Variants in IARS1 observed in about 807,000 individuals in gnomAD.
IARS1 encodes isoleucine--tRNA ligase, cytoplasmic.
In IARS1, 124 loss-of-function variants were observed where a neutral mutation model predicts 168.2. The observed-to-expected ratio is 0.74, with a 90% CI of 0.64 to 0.86. IARS1 has a LOEUF of 0.86. Among genes scored for constraint, IARS1 ranks in the 40% least tolerant of loss-of-function variants. The probability of loss-of-function intolerance (pLI) is 0.00; values close to 1 mark genes in which losing one functional copy is unlikely to be tolerated. For synonymous variants in IARS1, 532 were observed against 529.4 expected, an observed-to-expected ratio of 1.00 and a Z score of -0.07; for missense variants, 1,452 against 1,515.8, an observed-to-expected ratio of 0.96 and a Z score of 0.70.
chr9:92,275,810 A>G (rs1276204118), intron 9 of IARS1, among the ~76,000 whole-genome samples: 1 of 152,244 alleles, frequency 6.6e-6, no homozygotes, highest in Non-Finnish European at 1.5e-5. Context: ...ATTTCAGTGA[A>G]CATCAGATGA....
At chr9:92,227,232 G>C (rs1170706148) in intron 31 of IARS1, among the ~76,000 whole-genome samples, 2 of 147,422 alleles carry the variant, frequency 1.4e-5, no homozygotes, top group Non-Finnish European at 3.0e-5. Context: ...GCAACCATCC[G>C]ATTTCTCAAT....
At position 92,283,661 on chromosome 9, in the gene IARS1, A is replaced by G. The variant is rs992819555; in HGVS notation, c.597+2061T>C. Among the ~76,000 whole-genome samples, 7 of 152,162 alleles carry G rather than the reference A, an allele frequency of 4.6e-5. No individual in the cohort carries two copies. The East Asian group carries it at 7.7e-4, about 17-fold the overall frequency. On this transcript the variant is annotated intron_variant, in intron 6 of 33. Transcript: ENST00000443024. ...GTCTCAAAAAAATAAAAATTAAAACAAAGTATACTCTGACTCGATAATTCC... is the reference window on the plus strand; with the variant it reads ...GTCTCAAAAAAATAAAAATTAAAACGAAGTATACTCTGACTCGATAATTCC...
chr9:92,233,133 G>A (rs1050756764), intron 30 of IARS1, among the ~76,000 whole-genome samples: 2 of 152,178 alleles, frequency 1.3e-5, no homozygotes, highest in African/African-American at 4.8e-5. Context: ...CATGGGAAGC[G>A]CTGTCAAATA....
At chr9:92,252,358 G>T in intron 21 of IARS1, 1 of 513,920 alleles carries the variant, frequency 1.9e-6, no homozygotes. Flanking sequence ...AATTTATCCA[G>T]AGACAACTAC....
chr9:92,224,226 C>T (rs1427279289), intron 31 of IARS1, among the ~76,000 whole-genome samples: 10 of 152,166 alleles, frequency 6.6e-5, no homozygotes, highest in Admixed American at 3.3e-4. Flanking sequence ...CTTTACTGCA[C>T]AATACGCTGT....
chr9:92,288,051 T>TG lies in IARS1; in HGVS notation c.276+74dup, dbSNP rs1325140771. ...TCTGACAGTCAACGTTCATCATACTTGAACATATTATATGACAAAATCTAA... is the reference window on the plus strand; with the variant it reads ...TCTGACAGTCAACGTTCATCATACTTGGAACATATTATATGACAAAATCTAA... On this transcript the variant is annotated intron_variant, in intron 3 of 33. Coordinates refer to ENST00000443024, the MANE Select transcript of IARS1 (RefSeq NM_002161.6). 31 of 1,534,884 alleles carry TG rather than the reference T, an allele frequency of 2.0e-5. No homozygotes were observed. The Admixed American group carries it at 2.5e-4, about 12-fold the overall frequency.
intron 20 of IARS1, chr9:92,256,341 C>CTT (rs770667744): frequency 2.8e-5 from 4 of 144,488 alleles, no homozygotes; most frequent in Admixed American, 6.9e-5. Context: ...GGCCAGCTAA[C>CTT]TTTTTTTTTT....
At chr9:92,271,336 C>T (rs10992292) in intron 11 of IARS1, among the ~76,000 whole-genome samples, 197 bp downstream of exon 11, 65 of 152,258 alleles carry the variant, frequency 4.3e-4, no homozygotes, top group Non-Finnish European at 7.9e-4. Context: ...TGATCTTTCC[C>T]CATGAAATTT....
chr9:92,259,433 G>A (rs911701122), intron 18 of IARS1, among the ~76,000 whole-genome samples: 2 of 152,156 alleles, frequency 1.3e-5, no homozygotes, highest in African/African-American at 4.8e-5. Context: ...GGTGGGCAGA[G>A]GTTAGGGATG....
At chr9:92,266,259 C>G (rs894787439) in intron 14 of IARS1, among the ~76,000 whole-genome samples, 1 of 152,178 alleles carries the variant, frequency 6.6e-6, no homozygotes, top group Non-Finnish European at 1.5e-5. Context: ...CCTCCTGGCA[C>G]CTGAATCTGG....
rs893470440 is a variant in IARS1, at chr9:92,281,018, G to C, written c.598-125C>G. ...GGTAAACCGAAGAAACCACTTACCA[G>C]ACTTACAAACAGAAAATAGCAAGAA... On this transcript the variant is annotated intron_variant, in intron 6 of 33. Coordinates refer to ENST00000443024, the MANE Select transcript of IARS1 (RefSeq NM_002161.6). The C allele has an allele frequency of 9.5e-6, 5 of 528,444 alleles. No homozygotes were observed. The African/African-American group carries it at 9.8e-5, about 10-fold the overall frequency. The allele number at this position is 528,444 out of a possible 1,614,324, so 32.7% of individuals were successfully genotyped here.
rs536331294 is a variant in IARS1 at position 92,288,107 on chromosome 9, G to T, written c.276+19C>A. 1 of 1,604,250 alleles carries T rather than the reference G, an allele frequency of 6.2e-7. No homozygotes were observed. Among genetic ancestry groups the T allele is most frequent in the African/African-American group, 1.3e-5 (1 of 74,322 alleles). On this transcript the variant is annotated intron_variant, in intron 3 of 33. Transcript: ENST00000443024. ...ATAAAAAAAATCAGAAAATTATAAAGCTGGATACTCAAACATACCACAGGT... is the reference window on the plus strand; with the variant it reads ...ATAAAAAAAATCAGAAAATTATAAATCTGGATACTCAAACATACCACAGGT...
intron 30 of IARS1, among the ~76,000 whole-genome samples, chr9:92,239,617 G>T (rs1280293067): frequency 6.6e-6 from 1 of 152,190 alleles, no homozygotes; most frequent in East Asian, 1.9e-4. Context: ...CCATGCATTT[G>T]TAAATGGGAG....
Position 92,251,867 on chromosome 9 carries a change from C to T in IARS1, c.2248G>A (p.Asp750Asn). ...RRLKGENGME[D>N]CVMALETLFS... ...AAGGTTTCTAGGGCCATGACACAATCCTCCATCCCATTTTCACCCTAATGA... is the reference window on the plus strand; with the variant it reads ...AAGGTTTCTAGGGCCATGACACAATTCTCCATCCCATTTTCACCCTAATGA... Residue 750 changes from aspartate (D) to asparagine (N), a missense_variant, in exon 22 of 34, where the codon GAT becomes AAT. Transcript: ENST00000443024. The T allele has an allele frequency of 1.9e-6, 3 of 1,612,982 alleles. No individual in the cohort carries two copies. The highest frequency in any genetic ancestry group is 2.5e-6 in the Non-Finnish European group (3 of 1,179,002).
intron 31 of IARS1, among the ~76,000 whole-genome samples, chr9:92,228,760 C>T (rs1826153076): frequency 1.3e-5 from 2 of 152,078 alleles, no homozygotes; most frequent in African/African-American, 4.8e-5. Context: ...GCCTGAAGTC[C>T]ACCAGCTAGC....
intron 25 of IARS1, 49 bp from the exon 26 acceptor site, chr9:92,247,600 G>C: frequency 6.5e-7 from 1 of 1,544,918 alleles, no homozygotes; most frequent in Non-Finnish European, 8.9e-7. Flanking sequence ...GAAAACATAT[G>C]TTCACACAAA....
Position 92,265,328 on chromosome 9 carries a change from A to G in IARS1, c.1505+152T>C, listed in dbSNP as rs184483931. On this transcript the variant is annotated intron_variant, in intron 15 of 33. Coordinates refer to ENST00000443024, the MANE Select transcript of IARS1 (RefSeq NM_002161.6). The stretch of plus-strand genomic sequence containing the variant: ...ACCATTCACCTCACATTTCACAAGG[A>G]CAGAGGCCACAATACTGCAATATGA... 2.2e-5 allele frequency: 18 copies of G among 805,432 alleles called. No homozygotes were observed. In the African/African-American group the frequency reaches 3.1e-4, roughly 14 times the overall value. 49.9% of individuals were successfully genotyped at this position (805,432 alleles called of 1,614,324 possible). A position where few individuals can be genotyped will look rare whatever the true frequency, so the allele number is the denominator to read the frequency against.
At chr9:92,221,655 G>T (rs979147929) in intron 33 of IARS1, among the ~76,000 whole-genome samples, 5 of 152,178 alleles carry the variant, frequency 3.3e-5, no homozygotes, top group African/African-American at 1.2e-4. Flanking sequence ...TGGGAGAACG[G>T]GAGGAGGAGA....
chr9:92,251,955 A>T, intron 21 of IARS1, 70 bp from the exon 22 acceptor site: 1 of 1,142,002 alleles, frequency 8.8e-7, no homozygotes, highest in East Asian at 2.5e-5. Context: ...AAATAAGTTT[A>T]TTAAAAAGAG....
Sources: allele counts gnomAD v4.1 joint callset (sites outside exome capture counted in the v4.1 genomes callset), GRCh38; gene constraint gnomAD v4.1.1; transcripts MANE v1.5; gene names NCBI Gene and HGNC (gene_info 2026-07-23, HGNC 2026-07-21).